Variants in CSMD1 observed in about 807,000 individuals in gnomAD.
CSMD1 encodes the protein CUB and Sushi multiple domains 1, also known as CUB and sushi domain-containing protein 1.
CSMD1 carries 213 observed loss-of-function variants against 417.5 expected under a neutral mutation model. That is an observed-to-expected ratio of 0.51 (90% confidence interval 0.46 to 0.57). CSMD1 has a LOEUF of 0.57. Among genes scored for constraint, CSMD1 ranks in the 20% least tolerant of loss-of-function variants. The pLI is 0.00. For synonymous variants in CSMD1, 2,862 were observed against 1,736.8 expected, an observed-to-expected ratio of 1.65 and a Z score of -16.11; for missense variants, 6,923 against 4,529.7, an observed-to-expected ratio of 1.53 and a Z score of -15.17.
chr8:4,144,445 T>G (rs1803986813), intron 3 of CSMD1, among the ~76,000 whole-genome samples: 1 of 151,248 alleles, frequency 6.6e-6, no homozygotes, highest in South Asian at 2.1e-4. Flanking sequence ...TTTCTCTAGT[T>G]TCAACTGCTC....
intron 1 of CSMD1, among the ~76,000 whole-genome samples, chr8:4,641,709 G>C (rs773883519): frequency 2.6e-5 from 4 of 152,148 alleles, no homozygotes; most frequent in East Asian, 1.9e-4. Flanking sequence ...CTCATGTATG[G>C]TGATCGAGTC....
intron 29 of CSMD1, among the ~76,000 whole-genome samples, chr8:3,215,705 A>C (rs1797843451): frequency 6.6e-6 from 1 of 152,138 alleles, no homozygotes; most frequent in African/African-American, 2.4e-5. Context: ...TTTCTGTTTC[A>C]ATAGACCATC....
chr8:4,116,919 GTGTACCATCCTTTGTCTTTTCCA>G (rs1473060580), intron 3 of CSMD1, among the ~76,000 whole-genome samples: 2 of 152,078 alleles, frequency 1.3e-5, no homozygotes, highest in African/African-American at 4.8e-5. Context: ...TACTCGAAAT[GTGTACCATCCTTTGTCTTTTCCA>G]TGAAGTCTGA....
chr8:3,868,983 T>C (rs1476644396), intron 5 of CSMD1, among the ~76,000 whole-genome samples: 1 of 152,222 alleles, frequency 6.6e-6, no homozygotes, highest in Non-Finnish European at 1.5e-5. Context: ...TCTGCTCAGA[T>C]GATGCCGATG....
intron 7 of CSMD1, among the ~76,000 whole-genome samples, chr8:3,689,445 A>G (rs1188991671): frequency 6.6e-6 from 1 of 152,210 alleles, no homozygotes; most frequent in Non-Finnish European, 1.5e-5. Context: ...GTTAGAAGTA[A>G]TTATGGATAG....
intron 3 of CSMD1, among the ~76,000 whole-genome samples, chr8:4,078,899 A>T (rs1312891056): frequency 2.9e-4 from 3 of 10,312 alleles, no homozygotes; most frequent in South Asian, 5.1e-3. Flanking sequence ...AATAATAAAT[A>T]TATATATATA....
intron 1 of CSMD1, among the ~76,000 whole-genome samples, chr8:4,668,418 T>C (rs1323628204): frequency 1.1e-5 from 1 of 89,034 alleles, no homozygotes; most frequent in Non-Finnish European, 2.3e-5. Flanking sequence ...TGTTTTCCAT[T>C]ATTATTATTA....
chr8:3,272,553 C>G (rs1801944895), intron 26 of CSMD1, among the ~76,000 whole-genome samples: 1 of 137,760 alleles, frequency 7.3e-6, no homozygotes, highest in Admixed American at 7.4e-5. Flanking sequence ...TTGATTCTTC[C>G]TACCCATGAG....
intron 3 of CSMD1, among the ~76,000 whole-genome samples, chr8:4,206,475 G>A (rs879003571): frequency 2.6e-5 from 4 of 152,052 alleles, no homozygotes; most frequent in Non-Finnish European, 5.9e-5. Flanking sequence ...TCAGAATAAT[G>A]GTTTCCAGCT....
intron 62 of CSMD1, among the ~76,000 whole-genome samples, chr8:2,958,742 C>T (rs572305754): frequency 7.2e-5 from 11 of 152,366 alleles, no homozygotes; most frequent in African/African-American, 2.4e-4. Flanking sequence ...CTTATGAAGG[C>T]ACATAAGTGC....
intron 5 of CSMD1, among the ~76,000 whole-genome samples, chr8:3,900,030 G>C (rs190835832): frequency 6.6e-6 from 1 of 152,112 alleles, no homozygotes; most frequent in East Asian, 1.9e-4. Flanking sequence ...CTAGCTAGGT[G>C]ACACTGCAGC....
At chr8:3,877,135 G>A (rs1250202228) in intron 5 of CSMD1, among the ~76,000 whole-genome samples, 1 of 152,146 alleles carries the variant, frequency 6.6e-6, no homozygotes, top group African/African-American at 2.4e-5. Context: ...GGCGAATTTT[G>A]CACTTTCCCC....
intron 10 of CSMD1, among the ~76,000 whole-genome samples, chr8:3,517,436 C>A (rs11778536): frequency 6.6e-6 from 1 of 151,938 alleles, no homozygotes; most frequent in African/African-American, 2.4e-5. Context: ...TACACTCCAA[C>A]CTATGCATTG....
chr8:4,644,168 T>G (rs1210574730), intron 1 of CSMD1, among the ~76,000 whole-genome samples: 1 of 152,198 alleles, frequency 6.6e-6, no homozygotes, highest in Non-Finnish European at 1.5e-5. Context: ...GTACCCGGTT[T>G]GTATCACTCC....
chr8:4,114,197 C>G (rs1350794297), intron 3 of CSMD1, among the ~76,000 whole-genome samples: 1 of 152,208 alleles, frequency 6.6e-6, no homozygotes, highest in East Asian at 1.9e-4. Context: ...GGAGCTCATG[C>G]AGCTGGTAAC....
At chr8:4,948,148 CAA>C (rs1229366932) in intron 1 of CSMD1, among the ~76,000 whole-genome samples, 1 of 151,940 alleles carries the variant, frequency 6.6e-6, no homozygotes, top group Non-Finnish European at 1.5e-5. Context: ...CATCATGGTA[CAA>C]AGTTTCCTAA....
intron 8 of CSMD1, among the ~76,000 whole-genome samples, chr8:3,597,198 G>A (rs1490452390): frequency 6.6e-6 from 1 of 152,160 alleles, no homozygotes; most frequent in African/African-American, 2.4e-5. Flanking sequence ...GGGGACACAG[G>A]AACTGAGAGG....
At position 3,369,317 on chromosome 8, in the gene CSMD1, A is replaced by T; in HGVS notation, c.2836T>A (p.Phe946Ile). ...GKSGTVLSPG[F>I]PDFYPNSLNC... ...AGAGAGTTTGGATAAAAATCTGGAA[A>T]CCCAGGAGAAAGGACTGTTCCACTC... The change falls in exon 19 of 70, where the codon TTT (phenylalanine) becomes ATT (isoleucine). Residue 946 changes from phenylalanine to isoleucine, a missense_variant. By Grantham distance (21) the Phe-to-Ile change is conservative. Coordinates refer to ENST00000635120, the MANE Select transcript of CSMD1 (RefSeq NM_033225.6). 1 of 1,608,670 alleles carries T rather than the reference A, an allele frequency of 6.2e-7. No homozygotes were observed. Among genetic ancestry groups the T allele is most frequent in the Non-Finnish European group, 8.5e-7 (1 of 1,175,482 alleles).
intron 6 of CSMD1, among the ~76,000 whole-genome samples, chr8:3,749,119 T>G (rs929775903): frequency 1.3e-5 from 2 of 152,180 alleles, no homozygotes; most frequent in Admixed American, 1.3e-4. Flanking sequence ...TTCAAAAAAT[T>G]TATCTTGTAG....
Sources: gnomAD v4.1 joint callset for allele counts (sites outside exome capture counted in the v4.1 genomes callset) on GRCh38, gnomAD v4.1.1 for gene constraint, MANE v1.5 for transcripts, NCBI Gene and HGNC (gene_info 2026-07-23, HGNC 2026-07-21) for gene names.